Variants in ZNF536 observed in about 807,000 individuals in gnomAD.
ZNF536 encodes zinc finger protein 536.
Under a neutral mutation model 84.5 loss-of-function variants are expected in ZNF536, and 13 were observed. That is an observed-to-expected ratio of 0.15 (90% CI 0.10 to 0.24). The LOEUF (loss-of-function observed/expected upper bound fraction) is 0.24. Among genes scored for constraint, ZNF536 ranks in the 10% least tolerant of loss-of-function variants. The pLI is 1.00. For missense variants in ZNF536, 1,536 were observed against 1,747.5 expected (o/e 0.88, Z 2.16); for synonymous variants, 811 against 742.5 (o/e 1.09, Z -1.50).
At chr19:30,270,555 G>A (rs1299450398) in intron 1 of ZNF536, among the ~76,000 whole-genome samples, 1 of 152,136 alleles carries the variant, frequency 6.6e-6, no homozygotes, top group Admixed American at 6.5e-5. Flanking sequence ...AGCAAACAGA[G>A]GTGACACCGT....
intron 1 of ZNF536, among the ~76,000 whole-genome samples, chr19:30,405,278 G>A (rs2050217955): frequency 6.6e-6 from 1 of 152,212 alleles, no homozygotes; most frequent in Admixed American, 6.5e-5. Context: ...GCAGGTGAAA[G>A]GAGGTCAGAA....
At chr19:30,462,737 G>C (rs369404350) in intron 2 of ZNF536, among the ~76,000 whole-genome samples, 1 of 113,972 alleles carries the variant, frequency 8.8e-6, no homozygotes, top group East Asian at 2.2e-4. Context: ...GCATTTGCCT[G>C]TGTTGGAATG....
chr19:30,405,900 C>T (rs1426539432), intron 1 of ZNF536, among the ~76,000 whole-genome samples: 1 of 152,104 alleles, frequency 6.6e-6, no homozygotes, highest in Non-Finnish European at 1.5e-5. Flanking sequence ...GCCTCAGCCT[C>T]CCGAGTAGCT....
chr19:30,444,700 C>A lies in ZNF536; in HGVS notation c.1138C>A (p.Arg380=), dbSNP rs2052230266. 3 of 1,613,954 alleles carry A rather than the reference C, an allele frequency of 1.9e-6. No homozygotes were observed. In the African/African-American group the frequency reaches 4.0e-5, roughly 21 times the overall value. Residue 380 remains arginine (R), a synonymous_variant, in exon 2 of 5, where the codon CGG becomes AGG. Transcript: ENST00000355537. ...TGAGCACTGCTGCCAGATCTGCGGC[C>A]GGCGCTTCAAGGAGCCCTGGTTCCT... ...SFEHCCQICG[R]RFKEPWFLKN...
At chr19:30,493,751 C>T (rs537013054) in intron 2 of ZNF536, among the ~76,000 whole-genome samples, 2 of 152,234 alleles carry the variant, frequency 1.3e-5, no homozygotes, top group Non-Finnish European at 2.9e-5. Flanking sequence ...TCTCACGTTC[C>T]ACTTAGGGGC....
intron 1 of ZNF536, among the ~76,000 whole-genome samples, chr19:30,606,076 C>G (rs754663293): frequency 2.0e-5 from 3 of 151,460 alleles, no homozygotes; most frequent in African/African-American, 7.3e-5. Flanking sequence ...ACTGCTTGAG[C>G]CTAGGAGTTC....
At chr19:30,449,888 A>C (rs2052518856) in intron 2 of ZNF536, among the ~76,000 whole-genome samples, 1 of 152,188 alleles carries the variant, frequency 6.6e-6, no homozygotes, top group African/African-American at 2.4e-5. Context: ...TTTCGCATTT[A>C]CATGGGGTGT....
intron 3 of ZNF536, among the ~76,000 whole-genome samples, chr19:30,540,350 G>A (rs1283305144): frequency 6.6e-6 from 1 of 152,122 alleles, no homozygotes; most frequent in Non-Finnish European, 1.5e-5. Context: ...GGTGTAGGGA[G>A]GGAGACCTGG....
intron 2 of ZNF536, among the ~76,000 whole-genome samples, chr19:30,448,860 A>G (rs1023128633): frequency 2.0e-5 from 3 of 152,212 alleles, no homozygotes; most frequent in Non-Finnish European, 2.9e-5. Context: ...TCAGACCGAG[A>G]TGAAGAAGGG....
In ZNF536 at chr19:30,522,264, T is replaced by TATATATATAC. The variant is rs1568512222; in HGVS notation, c.2171-12573_2171-12564dup. On this transcript the variant is annotated intron_variant, in intron 2 of 4. Coordinates refer to ENST00000355537, the MANE Select transcript of ZNF536 (RefSeq NM_014717.3). Reference sequence around the variant, plus strand: ...ATTGGCAGAGCTGGATATATATACATATATATATACATATATATAATATAT... The same window carrying TATATATATAC: ...ATTGGCAGAGCTGGATATATATACATATATATATACATATATATACATATATATAATATAT... Among the ~76,000 whole-genome samples, 132 of 119,710 alleles carry TATATATATAC rather than the reference T, an allele frequency of 1.1e-3. 4 individuals are homozygous for TATATATATAC. Among genetic ancestry groups the TATATATATAC allele is most frequent in the Middle Eastern group, 4.5e-3 (1 of 220 alleles). The allele number at this position is 119,710 out of a possible 152,430, so 78.5% of individuals were successfully genotyped here.
intron 1 of ZNF536, among the ~76,000 whole-genome samples, chr19:30,249,778 G>A (rs1263641161): frequency 6.6e-6 from 1 of 152,170 alleles, no homozygotes. Flanking sequence ...CCAAGCTATT[G>A]CCTTTTTGGG....
intron 1 of ZNF536, among the ~76,000 whole-genome samples, chr19:30,272,056 C>T (rs767337030): frequency 3.3e-5 from 5 of 152,116 alleles, no homozygotes; most frequent in Non-Finnish European, 5.9e-5. Flanking sequence ...GGAGAAGTGG[C>T]GGCCAGAAGG....
At chr19:30,485,512 G>A (rs143039784) in intron 2 of ZNF536, among the ~76,000 whole-genome samples, 2 of 152,032 alleles carry the variant, frequency 1.3e-5, no homozygotes, top group Admixed American at 6.5e-5. Flanking sequence ...GATTCTGGAC[G>A]TCTACTTGCT....
chr19:30,661,023 T>G (rs1372864356), intron 1 of ZNF536, among the ~76,000 whole-genome samples: 1 of 152,238 alleles, frequency 6.6e-6, no homozygotes, highest in Non-Finnish European at 1.5e-5. Context: ...GAAGAGTAAC[T>G]GCATCATCTC....
intron 1 of ZNF536, among the ~76,000 whole-genome samples, chr19:30,387,882 G>A (rs974040137): frequency 1.3e-5 from 2 of 152,178 alleles, no homozygotes; most frequent in Non-Finnish European, 2.9e-5. Context: ...GAATGTTCTC[G>A]AGACGCAGGT....
chr19:30,235,870 G>T (rs2023455575), intron 1 of ZNF536, among the ~76,000 whole-genome samples: 1 of 152,274 alleles, frequency 6.6e-6, no homozygotes, highest in Non-Finnish European at 1.5e-5. Flanking sequence ...GTTGTAATCT[G>T]TTGATGCCAA....
intron 1 of ZNF536, among the ~76,000 whole-genome samples, chr19:30,705,223 T>C (rs921783369): frequency 6.6e-6 from 1 of 152,192 alleles, no homozygotes; most frequent in Non-Finnish European, 1.5e-5. Context: ...CCCAGTCAAC[T>C]TCCCCAAGGG....
intron 2 of ZNF536, among the ~76,000 whole-genome samples, chr19:30,303,242 G>A (rs1279018074): frequency 1.3e-5 from 2 of 152,192 alleles, no homozygotes; most frequent in Non-Finnish European, 2.9e-5. Flanking sequence ...ATCTCCCAGA[G>A]ATGACCCCAG....
At chr19:30,454,708 C>T (rs1019242746) in intron 2 of ZNF536, among the ~76,000 whole-genome samples, 11 of 152,128 alleles carry the variant, frequency 7.2e-5, no homozygotes, top group South Asian at 2.1e-4. Flanking sequence ...CCAGACCCCT[C>T]GGAAATGTCC....
Sources: allele counts gnomAD v4.1 joint callset (sites outside exome capture counted in the v4.1 genomes callset), GRCh38; gene constraint gnomAD v4.1.1; transcripts MANE v1.5; gene names NCBI Gene and HGNC (gene_info 2026-07-23, HGNC 2026-07-21).